Variants in SEMA5A observed in about 807,000 individuals in gnomAD.
SEMA5A encodes semaphorin 5A.
In SEMA5A, 55 loss-of-function variants were observed where a neutral mutation model predicts 135.5. The ratio of observed to expected loss-of-function variants is 0.41; its 90% CI spans 0.33 to 0.51. The LOEUF is 0.51. Among genes scored for constraint, SEMA5A ranks in the 20% least tolerant of loss-of-function variants. The pLI, the probability that SEMA5A is intolerant of heterozygous loss-of-function variation, is 0.37. For missense variants in SEMA5A, 1,290 were observed against 1,419.9 expected (o/e 0.91, Z 1.47); for synonymous variants, 580 against 546.5 (o/e 1.06, Z -0.85).
At position 9,219,689 on chromosome 5, in the gene SEMA5A, G is replaced by C. The variant is rs1746824530; in HGVS notation, c.646+4985C>G. Among the ~76,000 whole-genome samples the C allele has an allele frequency of 2.0e-5, 3 of 152,210 alleles. No individual in the cohort carries two copies. In the South Asian group the frequency reaches 6.2e-4, roughly 32 times the overall value. ...CCAATCCTGCTGACAGCTTCCTTTTGGACTTTCAGCCTCCAGAAGTTTGGG... is the reference window on the plus strand; with the variant it reads ...CCAATCCTGCTGACAGCTTCCTTTTCGACTTTCAGCCTCCAGAAGTTTGGG... On this transcript the variant is annotated intron_variant, in intron 8 of 22. Coordinates refer to ENST00000382496, the MANE Select transcript of SEMA5A (RefSeq NM_003966.3).
At chr5:9,496,918 G>A (rs900749548) in intron 1 of SEMA5A, among the ~76,000 whole-genome samples, 7 of 152,308 alleles carry the variant, frequency 4.6e-5, no homozygotes, top group Non-Finnish European at 8.8e-5. Context: ...ACAAAGCTCC[G>A]AGTGGAGCAT....
chr5:9,154,093 A>ATATATGTGTG (rs372321939), intron 12 of SEMA5A, among the ~76,000 whole-genome samples: 30 of 73,484 alleles, frequency 4.1e-4, no homozygotes, highest in Non-Finnish European at 5.1e-4. Flanking sequence ...ATATATATAT[A>ATATATGTGTG]TGTGTGTGTG....
chr5:9,348,350 AT>A (rs892964497), intron 3 of SEMA5A, among the ~76,000 whole-genome samples: 2 of 152,118 alleles, frequency 1.3e-5, no homozygotes, highest in African/African-American at 2.4e-5. Flanking sequence ...GGAAAGACAG[AT>A]TTTTTTTAAA....
chr5:9,129,158 CT>C (rs1741272234), intron 13 of SEMA5A, among the ~76,000 whole-genome samples: 1 of 152,092 alleles, frequency 6.6e-6, no homozygotes, highest in Non-Finnish European at 1.5e-5. Context: ...AGAGGAAGAA[CT>C]TGAAATAAGT....
At chr5:9,440,436 T>C (rs2126678136) in intron 1 of SEMA5A, among the ~76,000 whole-genome samples, 1 of 152,334 alleles carries the variant, frequency 6.6e-6, no homozygotes, top group South Asian at 2.1e-4. Context: ...CTCAATTCCA[T>C]ATTATCCTTA....
intron 17 of SEMA5A, among the ~76,000 whole-genome samples, chr5:9,065,014 T>C (rs1440250405): frequency 6.6e-6 from 1 of 152,220 alleles, no homozygotes; most frequent in Non-Finnish European, 1.5e-5. Flanking sequence ...GTTTACAAAA[T>C]TAAAAAGAGT....
chr5:9,468,949 G>A (rs1050814279), intron 1 of SEMA5A, among the ~76,000 whole-genome samples: 2 of 152,144 alleles, frequency 1.3e-5, no homozygotes, highest in African/African-American at 4.8e-5. Context: ...ATTTTTCTGA[G>A]CCTCCAAAAT....
chr5:9,105,172 G>A (rs1221475149), intron 16 of SEMA5A, among the ~76,000 whole-genome samples: 5 of 152,172 alleles, frequency 3.3e-5, no homozygotes, highest in African/African-American at 9.6e-5. Context: ...CCAAGCTTTT[G>A]ACATTGAGCA....
chr5:9,352,450 A>G (rs2150753082), intron 3 of SEMA5A, among the ~76,000 whole-genome samples: 1 of 152,144 alleles, frequency 6.6e-6, no homozygotes, highest in South Asian at 2.1e-4. Context: ...GGATTTTGCT[A>G]TGTTGCCCAG....
At position 9,278,112 on chromosome 5, in the gene SEMA5A, T is replaced by A. The variant is rs1462370452; in HGVS notation, c.271-40222A>T. Among the ~76,000 whole-genome samples, 4 of 120,336 alleles carry A rather than the reference T, an allele frequency of 3.3e-5. No homozygotes were observed. The East Asian group carries it at 1.0e-3, about 32-fold the overall frequency. The allele number at this position is 120,336 out of a possible 152,430, so 78.9% of individuals were successfully genotyped here. Reference sequence around the variant, plus strand: ...TAAATGTTATTAAAGTCATGTAAACTTAAAAAAAAAAAAAAAGAAGTCCCA... The same window carrying A: ...TAAATGTTATTAAAGTCATGTAAACATAAAAAAAAAAAAAAAGAAGTCCCA... On this transcript the variant is annotated intron_variant, in intron 5 of 22. Coordinates refer to ENST00000382496, the MANE Select transcript of SEMA5A (RefSeq NM_003966.3).
At chr5:9,052,574 C>T (rs1244079815) in intron 19 of SEMA5A, among the ~76,000 whole-genome samples, 5 of 152,248 alleles carry the variant, frequency 3.3e-5, no homozygotes, top group Middle Eastern at 3.4e-3. Flanking sequence ...AAAAACAATT[C>T]CGCAGAGTCA....
intron 1 of SEMA5A, among the ~76,000 whole-genome samples, chr5:9,466,963 T>A (rs987939424): frequency 6.6e-6 from 1 of 152,242 alleles, no homozygotes. Context: ...AGAAGAGTTT[T>A]GTTATTCTTA....
chr5:9,337,561 T>C (rs1753446989), intron 4 of SEMA5A, 152 bp downstream of exon 4: 2 of 559,024 alleles, frequency 3.6e-6, no homozygotes, highest in Non-Finnish European at 6.4e-6. Context: ...TTAGCAGTAG[T>C]ATATTTTATG....
chr5:9,052,209 C>T (rs979317379), intron 19 of SEMA5A, among the ~76,000 whole-genome samples, 181 bp from the exon 20 acceptor site: 44 of 152,142 alleles, frequency 2.9e-4, no homozygotes, highest in African/African-American at 9.9e-4. Context: ...ATACAGTACA[C>T]ACGAGGATGA....
At chr5:9,201,927 G>A (rs1327625515) in intron 9 of SEMA5A, 28 bp downstream of exon 9, 1 of 1,599,090 alleles carries the variant, frequency 6.3e-7, no homozygotes, top group South Asian at 1.1e-5. Context: ...TAAGAGAGAG[G>A]GGAGAAAAAT....
intron 1 of SEMA5A, among the ~76,000 whole-genome samples, chr5:9,485,335 C>A (rs779296982): frequency 8.6e-5 from 13 of 151,944 alleles, no homozygotes; most frequent in Non-Finnish European, 1.6e-4. Flanking sequence ...TCATGTGGGT[C>A]AGAAACCTTG....
chr5:9,199,652 A>G (rs538603847), intron 9 of SEMA5A, among the ~76,000 whole-genome samples: 1 of 152,202 alleles, frequency 6.6e-6, no homozygotes, highest in Non-Finnish European at 1.5e-5. Context: ...TTACAAGAGC[A>G]ATAAAAAAAT....
chr5:9,221,075 C>T (rs1746924571), intron 8 of SEMA5A, among the ~76,000 whole-genome samples: 1 of 152,118 alleles, frequency 6.6e-6, no homozygotes, highest in Non-Finnish European at 1.5e-5. Context: ...TTCACCACCC[C>T]ATTGTAGCCT....
At position 9,324,069 on chromosome 5, in the gene SEMA5A, A is replaced by AT. The variant is rs917543524; in HGVS notation, c.225-5653dup. Among the ~76,000 whole-genome samples, 725 of 144,378 alleles carry AT rather than the reference A, an allele frequency of 5.0e-3. 12 individuals are homozygous for AT. The highest frequency in any genetic ancestry group is 0.038 in the Admixed American group (566 of 14,946). The allele number at this position is 144,378 out of a possible 152,430, so 94.7% of individuals were successfully genotyped here. A position where few individuals can be genotyped will look rare whatever the true frequency, so the allele number is the denominator to read the frequency against. Reference sequence around the variant, plus strand: ...TTTCAGCTATTTTAAACAATATTTTATTTTATTTTTTTTTTTTGAGATGGA... The same window carrying AT: ...TTTCAGCTATTTTAAACAATATTTTATTTTTATTTTTTTTTTTTGAGATGGA... On this transcript the variant is annotated intron_variant, in intron 4 of 22. Transcript: ENST00000382496.
Sources: gnomAD v4.1 joint callset for allele counts (sites outside exome capture counted in the v4.1 genomes callset) on GRCh38, gnomAD v4.1.1 for gene constraint, MANE v1.5 for transcripts, NCBI Gene and HGNC (gene_info 2026-07-23, HGNC 2026-07-21) for gene names.